The following CNTNAP2 variants were observed in gnomAD, a reference collection of about 807,000 sequenced individuals.
CNTNAP2 encodes contactin associated protein 2, also known as contactin-associated protein-like 2.
Under a neutral mutation model 155.2 loss-of-function variants are expected in CNTNAP2, and 98 were observed. The ratio of observed to expected loss-of-function variants is 0.63; its 90% CI spans 0.54 to 0.75. CNTNAP2 has a LOEUF of 0.75. CNTNAP2 is among the 30% of genes least tolerant of loss of function. CNTNAP2 has a pLI of 0.00. For synonymous variants in CNTNAP2, 651 were observed against 631.2 expected, an observed-to-expected ratio of 1.03 and a Z score of -0.47; for missense variants, 1,727 against 1,688.1, an observed-to-expected ratio of 1.02 and a Z score of -0.40.
intron 21 of CNTNAP2, among the ~76,000 whole-genome samples, chr7:148,338,563 G>GC (rs1798164386): frequency 7.5e-6 from 1 of 134,012 alleles, no homozygotes; most frequent in African/African-American, 2.5e-5. Context: ...GGGGGGTGAG[G>GC]GGGGGGTGAG....
chr7:147,800,779 G>T (rs1205446368), intron 13 of CNTNAP2, among the ~76,000 whole-genome samples: 2 of 152,078 alleles, frequency 1.3e-5, no homozygotes, highest in Non-Finnish European at 2.9e-5. Flanking sequence ...ACCAATAAAT[G>T]GTAGTATCAA....
chr7:146,575,049 A>G (rs1798502258), intron 1 of CNTNAP2, among the ~76,000 whole-genome samples: 1 of 152,186 alleles, frequency 6.6e-6, no homozygotes, highest in African/African-American at 2.4e-5. Context: ...AGTGGCTTAC[A>G]TTAAAAAGTT....
At chr7:147,736,099 G>A (rs1181147220) in intron 13 of CNTNAP2, among the ~76,000 whole-genome samples, 1 of 150,950 alleles carries the variant, frequency 6.6e-6, no homozygotes, top group Admixed American at 6.6e-5. Flanking sequence ...GTTAGTTGAT[G>A]CAGTTTCTTC....
intron 2 of CNTNAP2, among the ~76,000 whole-genome samples, chr7:146,794,517 T>C (rs1426696026): frequency 6.6e-6 from 1 of 152,116 alleles, no homozygotes; most frequent in Non-Finnish European, 1.5e-5. Context: ...CTAAAGGATA[T>C]CAGTTGTGAA....
intron 1 of CNTNAP2, among the ~76,000 whole-genome samples, chr7:146,531,663 A>T (rs1343440183): frequency 6.6e-6 from 1 of 152,102 alleles, no homozygotes; most frequent in Non-Finnish European, 1.5e-5. Context: ...CTCCTGCCTC[A>T]GCCTCCCAAG....
chr7:146,809,297 C>T (rs1803022513), intron 2 of CNTNAP2, among the ~76,000 whole-genome samples: 1 of 152,104 alleles, frequency 6.6e-6, no homozygotes, highest in South Asian at 2.1e-4. Flanking sequence ...ATTTGCATTT[C>T]TCTGATAATT....
intron 14 of CNTNAP2, among the ~76,000 whole-genome samples, chr7:147,972,931 C>A (rs1275254989): frequency 6.6e-6 from 1 of 151,988 alleles, no homozygotes; most frequent in East Asian, 1.9e-4. Context: ...GTGGTTCACA[C>A]CGTGAAGCCA....
chr7:146,376,080 G>T (rs1795299236), intron 1 of CNTNAP2, among the ~76,000 whole-genome samples: 1 of 152,140 alleles, frequency 6.6e-6, no homozygotes, highest in Non-Finnish European at 1.5e-5. Flanking sequence ...TCCCCAGTAA[G>T]ATAGGGTTCC....
chr7:147,592,780 C>A (rs370945748), intron 12 of CNTNAP2, among the ~76,000 whole-genome samples: 1 of 152,152 alleles, frequency 6.6e-6, no homozygotes, highest in Non-Finnish European at 1.5e-5. Context: ...GTGAAATTTT[C>A]ATTAAGCCCC....
At chr7:147,532,979 A>G (rs1799469767) in intron 11 of CNTNAP2, among the ~76,000 whole-genome samples, 1 of 152,210 alleles carries the variant, frequency 6.6e-6, no homozygotes, top group South Asian at 2.1e-4. Flanking sequence ...GTATTAAATA[A>G]TATGATTCCT....
intron 1 of CNTNAP2, among the ~76,000 whole-genome samples, chr7:146,441,803 T>C (rs971104416): frequency 3.3e-5 from 5 of 151,598 alleles, no homozygotes; most frequent in Middle Eastern, 3.4e-3. Context: ...ACAGAGATGA[T>C]CAGATATTTA....
At chr7:146,561,724 T>C (rs1033174463) in intron 1 of CNTNAP2, among the ~76,000 whole-genome samples, 1 of 152,092 alleles carries the variant, frequency 6.6e-6, no homozygotes, top group African/African-American at 2.4e-5. Flanking sequence ...ATGATACTAG[T>C]GGTGAAAATG....
chr7:147,820,198 A>C (rs1338294330), intron 13 of CNTNAP2, among the ~76,000 whole-genome samples: 3 of 152,034 alleles, frequency 2.0e-5, no homozygotes, highest in Non-Finnish European at 4.4e-5. Context: ...GGTCCATTCC[A>C]GTGGGTGTAC....
intron 15 of CNTNAP2, among the ~76,000 whole-genome samples, chr7:147,996,201 A>G (rs1396898179): frequency 6.6e-6 from 1 of 152,220 alleles, no homozygotes; most frequent in Non-Finnish European, 1.5e-5. Context: ...AAACCAAACT[A>G]TATATGGCAA....
chr7:146,120,469 C>A (rs1797545369), intron 1 of CNTNAP2, among the ~76,000 whole-genome samples: 1 of 151,940 alleles, frequency 6.6e-6, no homozygotes, highest in Admixed American at 6.6e-5. Flanking sequence ...CAAAATTGGG[C>A]AAAAAAATTA....
chr7:148,287,211 T>C (rs969999825), intron 21 of CNTNAP2, among the ~76,000 whole-genome samples: 1 of 152,262 alleles, frequency 6.6e-6, no homozygotes, highest in Non-Finnish European at 1.5e-5. Context: ...TTCTTTCACT[T>C]TGTAAAATAC....
intron 8 of CNTNAP2, among the ~76,000 whole-genome samples, chr7:147,204,582 AT>A (rs2116557118): frequency 6.6e-6 from 1 of 152,270 alleles, no homozygotes; most frequent in Admixed American, 6.5e-5. Flanking sequence ...TTTTAAAAAA[AT>A]ATTTAAAAAC....
At chr7:146,948,407 C>T (rs1797236059) in intron 3 of CNTNAP2, among the ~76,000 whole-genome samples, 1 of 151,500 alleles carries the variant, frequency 6.6e-6, no homozygotes, top group South Asian at 2.1e-4. Flanking sequence ...AAAATAATTT[C>T]TGTTAATTTT....
chr7:147,794,066 T>C (rs1042506317), intron 13 of CNTNAP2, among the ~76,000 whole-genome samples: 1 of 152,008 alleles, frequency 6.6e-6, no homozygotes, highest in African/African-American at 2.4e-5. Flanking sequence ...GGATTCCTTA[T>C]GATGTTTTAT....
Sources: allele counts gnomAD v4.1 joint callset (sites outside exome capture counted in the v4.1 genomes callset), GRCh38; gene constraint gnomAD v4.1.1; transcripts MANE v1.5; gene names NCBI Gene and HGNC (gene_info 2026-07-23, HGNC 2026-07-21).